Variants in ELL2 observed in about 807,000 individuals in gnomAD.
The protein encoded by ELL2 is RNA polymerase II elongation factor ELL2.
A neutral mutation model predicts 72.8 loss-of-function variants in ELL2; 21 were observed. The observed-to-expected ratio is 0.29, with a 90% CI of 0.20 to 0.42. The LOEUF is 0.42. ELL2 is among the 10% of genes least tolerant of loss of function. The pLI, the probability that ELL2 is intolerant of heterozygous loss-of-function variation, is 1.00. For missense variants in ELL2, 568 were observed against 772.8 expected (o/e 0.73, Z 3.14); for synonymous variants, 266 against 283.2 (o/e 0.94, Z 0.61).
At chr5:95,892,149 CTTT>C (rs58579572) in intron 9 of ELL2, among the ~76,000 whole-genome samples, 2 of 144,120 alleles carry the variant, frequency 1.4e-5, no homozygotes, top group African/African-American at 2.5e-5. Flanking sequence ...TACAGTATTA[CTTT>C]TTTTTTTTTT....
chr5:95,927,460 C>CGT (rs1347168154), intron 2 of ELL2, among the ~76,000 whole-genome samples: 2 of 33,418 alleles, frequency 6.0e-5, no homozygotes, highest in Admixed American at 2.3e-4. Context: ...TACACACACA[C>CGT]GTGTGTATAT....
At chr5:95,907,289 T>C (rs1749400243) in intron 4 of ELL2, among the ~76,000 whole-genome samples, 1 of 130,360 alleles carries the variant, frequency 7.7e-6, no homozygotes, top group Non-Finnish European at 1.5e-5. Flanking sequence ...TATATATATA[T>C]ATATATATTT....
chr5:95,920,738 C>T (rs779032562), intron 2 of ELL2, among the ~76,000 whole-genome samples: 1 of 152,056 alleles, frequency 6.6e-6, no homozygotes, highest in African/African-American at 2.4e-5. Flanking sequence ...CTTGGGTCTG[C>T]ATGGTGTTAG....
rs551701486 is a variant in ELL2, at chr5:95,912,631, G to A, written c.481+1140C>T. On this transcript the variant is annotated intron_variant, in intron 4 of 11. Transcript: ENST00000237853. ...ACTCAGCAGGAAAGAGAGGTGAAAA[G>A]TCTCATTGCTAGTAACTTACTGAGC... 7.6e-4 allele frequency among the ~76,000 whole-genome samples: 116 copies of A among 152,316 alleles called. 1 individual carries two copies. Among genetic ancestry groups the A allele is most frequent in the African/African-American group, 2.2e-3 (91 of 41,566 alleles).
At chr5:95,953,680 C>CTTTTG (rs10691170) in intron 1 of ELL2, among the ~76,000 whole-genome samples, 50,197 of 151,700 alleles carry the variant, frequency 0.33, 9,975 homozygotes, top group African/African-American at 0.57. Context: ...ACTCATGATT[C>CTTTTG]TTTTGTTTTT....
chr5:95,896,385 G>T (rs540373925), intron 8 of ELL2, among the ~76,000 whole-genome samples: 24 of 152,132 alleles, frequency 1.6e-4, no homozygotes, highest in South Asian at 8.3e-4. Context: ...ATGTCCAGAG[G>T]ATATGTTTAG....
At chr5:95,957,022 A>G (rs1487121766) in intron 1 of ELL2, among the ~76,000 whole-genome samples, 1 of 152,218 alleles carries the variant, frequency 6.6e-6, no homozygotes, top group African/African-American at 2.4e-5. Flanking sequence ...TCAGGGATAG[A>G]GCAGGAGTAG....
intron 2 of ELL2, among the ~76,000 whole-genome samples, chr5:95,940,718 T>C (rs1174076030): frequency 6.6e-6 from 1 of 152,198 alleles, no homozygotes; most frequent in Non-Finnish European, 1.5e-5. Context: ...AATCTATTAA[T>C]TTAAAGCCCT....
intron 3 of ELL2, among the ~76,000 whole-genome samples, chr5:95,918,111 A>G (rs939032228): frequency 6.6e-6 from 1 of 152,212 alleles, no homozygotes; most frequent in African/African-American, 2.4e-5. Context: ...TAAGGACCCT[A>G]ATACTTGGTG....
intron 1 of ELL2, among the ~76,000 whole-genome samples, chr5:95,943,477 C>T (rs1002221955): frequency 1.3e-5 from 2 of 151,958 alleles, no homozygotes; most frequent in Non-Finnish European, 2.9e-5. Flanking sequence ...AACTGACCAA[C>T]ATGATTTGGC....
intron 2 of ELL2, among the ~76,000 whole-genome samples, chr5:95,925,275 A>T (rs1215073310): frequency 6.6e-6 from 1 of 152,114 alleles, no homozygotes; most frequent in Non-Finnish European, 1.5e-5. Context: ...GTTAAAGTGG[A>T]CTCATATAGC....
intron 3 of ELL2, among the ~76,000 whole-genome samples, chr5:95,916,672 G>A (rs184473256): frequency 2.4e-4 from 36 of 152,166 alleles, no homozygotes; most frequent in Non-Finnish European, 4.9e-4. Context: ...GTTGAGAAGT[G>A]AATGTAAGAG....
intron 1 of ELL2, among the ~76,000 whole-genome samples, chr5:95,952,854 A>C (rs1278318764): frequency 6.6e-6 from 1 of 152,238 alleles, no homozygotes; most frequent in African/African-American, 2.4e-5. Context: ...TAAAGAGAAG[A>C]GATAGAGACC....
intron 1 of ELL2, among the ~76,000 whole-genome samples, chr5:95,945,025 C>T (rs577252691): frequency 6.6e-6 from 1 of 152,166 alleles, no homozygotes; most frequent in Non-Finnish European, 1.5e-5. Context: ...CTTTCTAGAT[C>T]CATTTCATCC....
At chr5:95,891,314 A>G (rs760315809) in intron 9 of ELL2, 40 bp from the exon 10 acceptor site, 182 of 1,564,394 alleles carry the variant, frequency 1.2e-4, no homozygotes, top group Middle Eastern at 6.9e-4. Context: ...GCTACCCAAT[A>G]AACATGATTG....
chr5:95,958,158 A>C (rs1464120271), intron 1 of ELL2, among the ~76,000 whole-genome samples: 2 of 152,206 alleles, frequency 1.3e-5, no homozygotes, highest in Non-Finnish European at 2.9e-5. Flanking sequence ...ACAGTTTTAT[A>C]TGAGAAATTA....
intron 10 of ELL2, among the ~76,000 whole-genome samples, chr5:95,890,117 T>C (rs1453987981): frequency 6.6e-6 from 1 of 152,160 alleles, no homozygotes; most frequent in South Asian, 2.1e-4. Context: ...ATATTCTAGT[T>C]TCAGTATAAT....
chr5:95,925,435 C>T (rs894115184), intron 2 of ELL2, among the ~76,000 whole-genome samples: 1 of 152,194 alleles, frequency 6.6e-6, no homozygotes, highest in Non-Finnish European at 1.5e-5. Flanking sequence ...CACTCATTAC[C>T]TTGTAATACT....
In ELL2 at chr5:95,907,296, A is replaced by ATATATATATATATTTTTTTT; in HGVS notation, c.482-515_482-514insAAAAAAAATATATATATATA. Among the ~76,000 whole-genome samples the ATATATATATATATTTTTTTT allele has an allele frequency of 7.0e-4, 81 of 116,442 alleles. 1 individual carries two copies. The highest frequency in any genetic ancestry group is 2.6e-3 in the African/African-American group (63 of 24,478). 76.4% of individuals were successfully genotyped at this position (116,442 alleles called of 152,430 possible). The stretch of plus-strand genomic sequence containing the variant: ...GTTAGTGATATATATATATATATAT[A>ATATATATATATATTTTTTTT]TTTTTTTTTTTTACAGGCCAAGACA... On this transcript the variant is annotated intron_variant, in intron 4 of 11. Coordinates refer to ENST00000237853, the MANE Select transcript of ELL2 (RefSeq NM_012081.6).
Sources: gnomAD v4.1 joint callset for allele counts (sites outside exome capture counted in the v4.1 genomes callset) on GRCh38, gnomAD v4.1.1 for gene constraint, MANE v1.5 for transcripts, NCBI Gene and HGNC (gene_info 2026-07-23, HGNC 2026-07-21) for gene names.